The following RABGAP1L variants were observed in gnomAD, a reference collection of about 807,000 sequenced individuals.
The protein encoded by RABGAP1L is rab GTPase-activating protein 1-like.
Under a neutral mutation model 137.7 loss-of-function variants are expected in RABGAP1L, and 63 were observed. The observed-to-expected ratio is 0.46, with a 90% CI of 0.37 to 0.56. The LOEUF (loss-of-function observed/expected upper bound fraction) is 0.56, where lower values mean the gene tolerates loss of function less well. RABGAP1L is among the 20% of genes least tolerant of loss of function. The pLI is 0.00. For synonymous variants in RABGAP1L, 431 were observed against 433.7 expected, an observed-to-expected ratio of 0.99 and a Z score of 0.08; for missense variants, 1,095 against 1,244.0, an observed-to-expected ratio of 0.88 and a Z score of 1.80.
intron 19 of RABGAP1L, among the ~76,000 whole-genome samples, chr1:174,896,697 A>G (rs542203205): frequency 1.3e-5 from 2 of 152,178 alleles, no homozygotes; most frequent in African/African-American, 4.8e-5. Flanking sequence ...TAAATAGGGA[A>G]TCCTTTCCCC....
At chr1:174,865,712 AT>A (rs1651092482) in intron 19 of RABGAP1L, among the ~76,000 whole-genome samples, 1 of 152,284 alleles carries the variant, frequency 6.6e-6, no homozygotes, top group South Asian at 2.1e-4. Context: ...CGGTGAGAAG[AT>A]TGCTTAGCCC....
chr1:174,652,431 C>T (rs1397633498), intron 14 of RABGAP1L, among the ~76,000 whole-genome samples: 3 of 152,178 alleles, frequency 2.0e-5, no homozygotes, highest in African/African-American at 4.8e-5. Flanking sequence ...TCCTCATCTT[C>T]ATGGATTTAT....
rs1452362512 is a variant in RABGAP1L at position 174,811,837 on chromosome 1, A to C, written c.2217A>C (p.Ser739=). 1 of 1,584,582 alleles carries C rather than the reference A, an allele frequency of 6.3e-7. No homozygotes were observed. Among genetic ancestry groups the C allele is most frequent in the East Asian group, 2.3e-5 (1 of 44,232 alleles). ...FHVALALLKT[S]KEDLLQADFE... is the part of the protein sequence containing the mutation. ...TCTTGATGATTATTTTGCAGACCTC[A>C]AAGGAAGACCTTCTGCAGGCTGATT... The change falls in exon 19 of 26, where the codon TCA becomes TCC. Residue 739 remains serine, a synonymous_variant. Transcript: ENST00000681986.
At chr1:174,288,115 ATC>A (rs1250353053) in intron 10 of RABGAP1L, among the ~76,000 whole-genome samples, 1 of 151,986 alleles carries the variant, frequency 6.6e-6, no homozygotes, top group African/African-American at 2.4e-5. Context: ...TTACTCCCCC[ATC>A]TCTCATATTT....
intron 13 of RABGAP1L, among the ~76,000 whole-genome samples, chr1:174,580,810 T>A (rs1269529376): frequency 6.6e-6 from 1 of 152,108 alleles, no homozygotes; most frequent in Non-Finnish European, 1.5e-5. Context: ...TCGGAATATA[T>A]CAATAATTTT....
Position 174,939,696 on chromosome 1 carries a change from AAC to A in RABGAP1L, c.2341-17759_2341-17758del, listed in dbSNP as rs1558257962. 6.9e-3 allele frequency among the ~76,000 whole-genome samples: 1,055 copies of A among 152,354 alleles called. 9 individuals are homozygous for A. The highest frequency in any genetic ancestry group is 0.023 in the African/African-American group (975 of 41,580). On this transcript the variant is annotated intron_variant, in intron 19 of 25. Coordinates refer to ENST00000681986, the MANE Select transcript of RABGAP1L (RefSeq NM_001366446.1). ...ACAGAGGTAATTATTGGCTCTGTCAAACATATCAGAGAAAACTTCCAAATTTA... is the reference window on the plus strand; with the variant it reads ...ACAGAGGTAATTATTGGCTCTGTCAAATATCAGAGAAAACTTCCAAATTTA...
intron 19 of RABGAP1L, among the ~76,000 whole-genome samples, chr1:174,822,282 T>C (rs540754588): frequency 6.6e-6 from 1 of 152,310 alleles, no homozygotes; most frequent in South Asian, 2.1e-4. Context: ...AAAAAATTGA[T>C]AATGAAGTAG....
intron 1 of RABGAP1L, among the ~76,000 whole-genome samples, chr1:174,169,808 C>G (rs565117454): frequency 1.3e-5 from 2 of 151,978 alleles, no homozygotes; most frequent in Non-Finnish European, 2.9e-5. Context: ...CTCCAACCTT[C>G]GTCTCAGGAG....
intron 14 of RABGAP1L, among the ~76,000 whole-genome samples, chr1:174,643,947 A>G (rs910260209): frequency 2.7e-5 from 4 of 150,440 alleles, no homozygotes; most frequent in African/African-American, 7.4e-5. Flanking sequence ...GTGTGTATGT[A>G]TGTATGTATG....
At chr1:174,487,596 T>C (rs1304705828) in intron 13 of RABGAP1L, among the ~76,000 whole-genome samples, 2 of 152,162 alleles carry the variant, frequency 1.3e-5, no homozygotes, top group African/African-American at 4.8e-5. Context: ...TGTGTCTTTT[T>C]ATTGTAGAGT....
intron 11 of RABGAP1L, among the ~76,000 whole-genome samples, chr1:174,359,652 C>T (rs1410704996): frequency 1.3e-5 from 2 of 152,188 alleles, no homozygotes; most frequent in Non-Finnish European, 2.9e-5. Context: ...ATATAGCCTT[C>T]TTTACAAAAC....
At chr1:174,702,397 A>G in intron 17 of RABGAP1L, 141 bp downstream of exon 17, 1 of 630,468 alleles carries the variant, frequency 1.6e-6, no homozygotes, top group Non-Finnish European at 2.5e-6. Context: ...TTGAATTTTC[A>G]GTAAAAACTA....
At chr1:174,477,357 C>T (rs959373059) in intron 13 of RABGAP1L, among the ~76,000 whole-genome samples, 41 of 152,242 alleles carry the variant, frequency 2.7e-4, no homozygotes, top group Admixed American at 5.2e-4. Context: ...GTTGTGGCTA[C>T]TGTTATGATG....
At chr1:174,708,606 T>C (rs1680236780) in intron 17 of RABGAP1L, among the ~76,000 whole-genome samples, 1 of 152,104 alleles carries the variant, frequency 6.6e-6, no homozygotes, top group African/African-American at 2.4e-5. Flanking sequence ...GACAGTGCTA[T>C]CCAGCCCAGA....
intron 13 of RABGAP1L, among the ~76,000 whole-genome samples, chr1:174,578,299 C>G (rs1451920113): frequency 6.6e-6 from 1 of 152,200 alleles, no homozygotes; most frequent in African/African-American, 2.4e-5. Flanking sequence ...GTCCTCCTGC[C>G]TCAGCTTCCT....
intron 18 of RABGAP1L, among the ~76,000 whole-genome samples, chr1:174,772,266 A>G (rs988449838): frequency 6.6e-6 from 1 of 152,006 alleles, no homozygotes; most frequent in African/African-American, 2.4e-5. Flanking sequence ...TTATTGTAGT[A>G]TAATATACGT....
chr1:174,802,666 C>G (rs1486939328), intron 18 of RABGAP1L, among the ~76,000 whole-genome samples: 7 of 152,180 alleles, frequency 4.6e-5, no homozygotes, highest in Non-Finnish European at 5.9e-5. Context: ...AAATCTCTGG[C>G]TTTGTTTTAC....
At chr1:174,285,092 C>T (rs1451820560) in intron 10 of RABGAP1L, among the ~76,000 whole-genome samples, 1 of 152,112 alleles carries the variant, frequency 6.6e-6, no homozygotes, top group Non-Finnish European at 1.5e-5. Flanking sequence ...TCTTGGCTCA[C>T]TGCAACCTCT....
At chr1:174,267,749 C>T (rs537372861) in intron 7 of RABGAP1L, among the ~76,000 whole-genome samples, 19 of 152,130 alleles carry the variant, frequency 1.2e-4, no homozygotes, top group African/African-American at 4.3e-4. Context: ...CTTCAAACAA[C>T]GAAGTGCTAA....
Sources: gnomAD v4.1 joint callset for allele counts (sites outside exome capture counted in the v4.1 genomes callset) on GRCh38, gnomAD v4.1.1 for gene constraint, MANE v1.5 for transcripts, NCBI Gene and HGNC (gene_info 2026-07-23, HGNC 2026-07-21) for gene names.